The following PI15 variants were observed in gnomAD, a reference collection of about 807,000 sequenced individuals.
PI15 encodes the protein peptidase inhibitor 15.
PI15 carries 18 observed loss-of-function variants against 31.0 expected under a neutral mutation model. The ratio of observed to expected loss-of-function variants is 0.58; its 90% CI spans 0.40 to 0.86. The LOEUF (loss-of-function observed/expected upper bound fraction) is 0.86. Among genes scored for constraint, PI15 ranks in the 40% least tolerant of loss-of-function variants. PI15 has a pLI of 0.00. For synonymous variants in PI15, 118 were observed against 119.1 expected, an observed-to-expected ratio of 0.99 and a Z score of 0.06; for missense variants, 282 against 328.1, an observed-to-expected ratio of 0.86 and a Z score of 1.09.
At chr8:74,828,209 G>C (rs557558756) in intron 2 of PI15, among the ~76,000 whole-genome samples, 90 of 152,218 alleles carry the variant, frequency 5.9e-4, no homozygotes, top group African/African-American at 2.1e-3. Flanking sequence ...GTAAGGGTTT[G>C]ATTTTTAACA....
rs955247574 is a variant in PI15 at position 74,850,413 on chromosome 8, A to AC, written c.*1160_*1161insC. 6 of 152,214 alleles carry AC rather than the reference A, an allele frequency of 3.9e-5. No homozygotes were observed. Among genetic ancestry groups the AC allele is most frequent in the African/African-American group, 1.4e-4 (6 of 41,458 alleles). The allele number at this position is 152,214 out of a possible 1,614,324, so 9.4% of individuals were successfully genotyped here. On this transcript the variant is annotated 3_prime_UTR_variant, in exon 6 of 6. Coordinates refer to ENST00000260113, the MANE Select transcript of PI15 (RefSeq NM_015886.5). The stretch of plus-strand genomic sequence containing the variant: ...GAGAGCTTCAGAATGGGCTATCCTT[A>AC]GAGTCTAGTACATCTTGAGGCCTCT...
Position 74,850,036 on chromosome 8 carries a change from C to T in PI15, c.*783C>T, listed in dbSNP as rs966361530. 5 of 152,128 alleles carry T rather than the reference C, an allele frequency of 3.3e-5. No individual in the cohort carries two copies. The highest frequency in any genetic ancestry group is 1.2e-4 in the African/African-American group (5 of 41,430). The allele number at this position is 152,128 out of a possible 1,614,324, so 9.4% of individuals were successfully genotyped here. On this transcript the variant is annotated 3_prime_UTR_variant, in exon 6 of 6. Coordinates refer to ENST00000260113, the MANE Select transcript of PI15 (RefSeq NM_015886.5). ...CAGAGATAATTAGACATGGTTCCCGCCCTCAAGAAGCTCACAAAAGTATTC... is the reference window on the plus strand; with the variant it reads ...CAGAGATAATTAGACATGGTTCCCGTCCTCAAGAAGCTCACAAAAGTATTC...
rs768689555 is a variant in PI15 at position 74,843,964 on chromosome 8, AT to A, written c.274-10del. The A allele has an allele frequency of 1.1e-4, 132 of 1,251,092 alleles. No homozygotes were observed. Among genetic ancestry groups the A allele is most frequent in the Non-Finnish European group, 1.4e-4 (121 of 848,616 alleles). The allele number at this position is 1,251,092 out of a possible 1,614,324, so 77.5% of individuals were successfully genotyped here. ...ATCAGCAAATTCCGTAACGCTGAAG[AT>A]TTTTTTCCCCTACAGGTTTGGGATG... is the stretch of plus-strand genomic sequence containing the variant. On this transcript the variant is annotated splice_polypyrimidine_tract_variant and intron_variant, in intron 2 of 5. Transcript: ENST00000260113.
At chr8:74,842,361 C>T (rs1419926590) in intron 2 of PI15, among the ~76,000 whole-genome samples, 1 of 152,068 alleles carries the variant, frequency 6.6e-6, no homozygotes, top group African/African-American at 2.4e-5. Context: ...TGCTGCTAAC[C>T]ACTCTCTAGT....
At chr8:74,840,524 AAGAC>A (rs1810930023) in intron 2 of PI15, among the ~76,000 whole-genome samples, 1 of 152,216 alleles carries the variant, frequency 6.6e-6, no homozygotes, top group Non-Finnish European at 1.5e-5. Flanking sequence ...CCAATGGAGA[AAGAC>A]AGAGAAAGTA....
intron 2 of PI15, 68 bp from the exon 3 acceptor site, chr8:74,843,913 T>A: frequency 1.2e-6 from 1 of 809,196 alleles, no homozygotes; most frequent in Non-Finnish European, 2.2e-6. Context: ...GTAGCACCAT[T>A]TATTTTGTCT....
At chr8:74,845,962 T>C (rs553610707) in intron 5 of PI15, 1 of 156,128 alleles carries the variant, frequency 6.4e-6, no homozygotes, top group South Asian at 1.9e-4. Flanking sequence ...TCCTAGGGCA[T>C]ATATAAAATG....
At position 74,854,354 on chromosome 8, in the gene PI15, C is replaced by G. The variant is rs549467714; in HGVS notation, c.*5101C>G. 6.6e-6 allele frequency: 1 copy of G among 152,084 alleles called. No homozygotes were observed. The highest frequency in any genetic ancestry group is 2.1e-4 in the South Asian group (1 of 4,824). 9.4% of individuals were successfully genotyped at this position (152,084 alleles called of 1,614,324 possible). ...AAAGCAGTAGAACCTTTTCTATGAACTAAATCACATGCAAAACTCCAACCT... is the reference window on the plus strand; with the variant it reads ...AAAGCAGTAGAACCTTTTCTATGAAGTAAATCACATGCAAAACTCCAACCT... On this transcript the variant is annotated 3_prime_UTR_variant, in exon 6 of 6. Transcript: ENST00000260113.
intron 2 of PI15, among the ~76,000 whole-genome samples, chr8:74,832,078 G>A (rs116140591): frequency 0.011 from 1,655 of 152,214 alleles, 27 homozygotes; most frequent in African/African-American, 0.035. Context: ...GGTATCCTCA[G>A]CTACGTTTAA....
At chr8:74,829,196 T>C (rs1221995500) in intron 2 of PI15, among the ~76,000 whole-genome samples, 1 of 152,124 alleles carries the variant, frequency 6.6e-6, no homozygotes, top group Non-Finnish European at 1.5e-5. Context: ...TAATTAGCAT[T>C]AATTTTGATA....
Position 74,844,105 on chromosome 8 carries a change from A to T in PI15, c.392+6A>T. 1 of 1,199,690 alleles carries T rather than the reference A, an allele frequency of 8.3e-7. No individual in the cohort carries two copies. The highest frequency in any genetic ancestry group is 1.2e-6 in the Non-Finnish European group (1 of 801,480). 74.3% of individuals were successfully genotyped at this position (1,199,690 alleles called of 1,614,324 possible). The stretch of plus-strand genomic sequence containing the variant: ...CTATCTGTACGCACTGGAAGGTAGG[A>T]AGTAATTTCACTGATGCAGTTCATC... On this transcript the variant is annotated splice_donor_region_variant and intron_variant, in intron 3 of 5. Coordinates refer to ENST00000260113, the MANE Select transcript of PI15 (RefSeq NM_015886.5).
At chr8:74,829,207 T>A (rs1810743766) in intron 2 of PI15, among the ~76,000 whole-genome samples, 1 of 152,142 alleles carries the variant, frequency 6.6e-6, no homozygotes, top group Non-Finnish European at 1.5e-5. Context: ...AATTTTGATA[T>A]TATAAATGTC....
chr8:74,844,863 T>A (rs1412194509), intron 3 of PI15: 1 of 394,382 alleles, frequency 2.5e-6, no homozygotes, highest in African/African-American at 2.0e-5. Context: ...ATTCCTGAAA[T>A]TATTTGCATT....
chr8:74,849,217 A>G lies in PI15; in HGVS notation c.741A>G (p.Pro247=), dbSNP rs763852974. The change falls in exon 6 of 6, where the codon CCA becomes CCG. Residue 247 remains proline (P), a synonymous_variant. Transcript: ENST00000260113. ...GGSCTDNLCF[P]GVTSNYLYWF... ...CTTGTACTGACAATCTGTGTTTTCC[A>G]GGAGTTACGTCAAACTACCTGTACT... 1.2e-6 allele frequency: 2 copies of G among 1,613,084 alleles called. No individual in the cohort carries two copies. Among genetic ancestry groups the G allele is most frequent in the South Asian group, 2.2e-5 (2 of 91,018 alleles).
chr8:74,825,500 C>G lies in PI15; in HGVS notation c.251C>G (p.Pro84Arg), dbSNP rs747132125. ...HNQVRGKVFP[P>R]AANMEYMVWD... ...CAAGTTCGGGGCAAAGTGTTCCCAC[C>G]GGCAGCAAATATGGAATATATGGTA... The change falls in exon 2 of 6, where the codon CCG becomes CGG. Residue 84 changes from proline to arginine, a missense_variant. Transcript: ENST00000260113. The G allele has an allele frequency of 6.2e-7, 1 of 1,611,552 alleles. No homozygotes were observed. Among genetic ancestry groups the G allele is most frequent in the East Asian group, 2.2e-5 (1 of 44,784 alleles).
At chr8:74,836,021 T>C (rs1288494155) in intron 2 of PI15, among the ~76,000 whole-genome samples, 1 of 152,162 alleles carries the variant, frequency 6.6e-6, no homozygotes, top group Admixed American at 6.5e-5. Context: ...AGTCTAGAGA[T>C]ACAGTATTTT....
rs1811160862 is a variant in PI15 at position 74,854,997 on chromosome 8, T to C, written c.*5744T>C. Reference sequence around the variant, plus strand: ...ATGTAGCTTTTTAAAGTCCATTGTATTGTTTTTTCTTTCAATAAAAGAGTA... The same window carrying C: ...ATGTAGCTTTTTAAAGTCCATTGTACTGTTTTTTCTTTCAATAAAAGAGTA... On this transcript the variant is annotated 3_prime_UTR_variant, in exon 6 of 6. Coordinates refer to ENST00000260113, the MANE Select transcript of PI15 (RefSeq NM_015886.5). 1 of 150,170 alleles carries C rather than the reference T, an allele frequency of 6.7e-6. No homozygotes were observed. 9.3% of individuals were successfully genotyped at this position (150,170 alleles called of 1,614,324 possible).
At chr8:74,834,860 GCA>G (rs1563566455) in intron 2 of PI15, among the ~76,000 whole-genome samples, 2 of 151,796 alleles carry the variant, frequency 1.3e-5, no homozygotes, top group African/African-American at 4.8e-5. Flanking sequence ...GAGTCAGTGG[GCA>G]CATTCTCCTG....
At chr8:74,825,617 G>A in intron 2 of PI15, 95 bp downstream of exon 2, 2 of 998,306 alleles carry the variant, frequency 2.0e-6, no homozygotes, top group Non-Finnish European at 2.9e-6. Context: ...GTGTTTATAT[G>A]TCCGGGTATA....
Sources: allele counts gnomAD v4.1 joint callset (sites outside exome capture counted in the v4.1 genomes callset), GRCh38; gene constraint gnomAD v4.1.1; transcripts MANE v1.5; gene names NCBI Gene and HGNC (gene_info 2026-07-23, HGNC 2026-07-21).